Variants in PPFIA2 observed in about 807,000 individuals in gnomAD.
The protein encoded by PPFIA2 is PPFI scaffold protein A2, also known as liprin-alpha-2.
Under a neutral mutation model 175.5 loss-of-function variants are expected in PPFIA2, and 46 were observed. The observed-to-expected ratio is 0.26, with a 90% CI of 0.21 to 0.34. PPFIA2 has a LOEUF of 0.34. Ranked by LOEUF, PPFIA2 falls within the 10% of genes least tolerant of loss-of-function variation. The pLI is 1.00. For synonymous variants in PPFIA2, 568 were observed against 511.4 expected (o/e 1.11, Z -1.49); for missense variants, 1,179 against 1,506.1 (o/e 0.78, Z 3.60).
chr12:81,679,291 A>G (rs1205007056), intron 3 of PPFIA2, among the ~76,000 whole-genome samples: 2 of 151,906 alleles, frequency 1.3e-5, no homozygotes, highest in Admixed American at 1.3e-4. Flanking sequence ...AAAGATACCA[A>G]GTGCATTTGG....
At chr12:81,433,315 T>G (rs995806663) in intron 7 of PPFIA2, among the ~76,000 whole-genome samples, 3 of 152,198 alleles carry the variant, frequency 2.0e-5, no homozygotes, top group African/African-American at 7.2e-5. Context: ...TGCTGTCTTT[T>G]TAGGTTGAAG....
intron 3 of PPFIA2, among the ~76,000 whole-genome samples, chr12:81,739,986 G>T (rs1360389627): frequency 6.6e-6 from 1 of 152,094 alleles, no homozygotes; most frequent in Non-Finnish European, 1.5e-5. Flanking sequence ...ACCTAGGAGG[G>T]AAAGCAGAGC....
intron 16 of PPFIA2, among the ~76,000 whole-genome samples, chr12:81,355,035 T>A (rs149656148): frequency 3.3e-5 from 5 of 152,282 alleles, no homozygotes; most frequent in African/African-American, 1.2e-4. Flanking sequence ...TCAATTGGCT[T>A]TGCCCCAATC....
chr12:81,326,817 A>T (rs1247746776), intron 21 of PPFIA2, among the ~76,000 whole-genome samples: 1 of 152,098 alleles, frequency 6.6e-6, no homozygotes, highest in African/African-American at 2.4e-5. Context: ...AATAAAAGAA[A>T]ATTAAACTCC....
At position 81,758,508 on chromosome 12, in the gene PPFIA2, C is replaced by T. The variant is rs932636806; in HGVS notation, c.-110-1G>A. Reference sequence around the variant, plus strand: ...CACCCAGCACTCCTGGACCATTTCCCTAGCAACGGGAGGAGAAAGGCAGCT... The same window carrying T: ...CACCCAGCACTCCTGGACCATTTCCTTAGCAACGGGAGGAGAAAGGCAGCT... On this transcript the variant is annotated splice_acceptor_variant, in intron 1 of 32. Transcript: ENST00000549396. LOFTEE classifies it low-confidence loss of function (5UTR_SPLICE). The T allele has an allele frequency of 6.7e-6, 3 of 448,948 alleles. No individual in the cohort carries two copies. Among genetic ancestry groups the T allele is most frequent in the African/African-American group, 4.0e-5 (2 of 49,950 alleles). 27.8% of individuals were successfully genotyped at this position (448,948 alleles called of 1,614,324 possible). A position where few individuals can be genotyped will look rare whatever the true frequency, so the allele number is the denominator to read the frequency against.
chr12:81,332,869 T>A (rs2056405566), intron 21 of PPFIA2, among the ~76,000 whole-genome samples: 1 of 152,324 alleles, frequency 6.6e-6, no homozygotes, highest in South Asian at 2.1e-4. Context: ...TGTGGACAAC[T>A]ACATGATCCT....
At chr12:81,493,358 T>G (rs2059621997) in intron 4 of PPFIA2, among the ~76,000 whole-genome samples, 1 of 152,018 alleles carries the variant, frequency 6.6e-6, no homozygotes, top group Non-Finnish European at 1.5e-5. Context: ...CACTTCTCAG[T>G]GTTCAGATGC....
rs77742305 is a variant in PPFIA2, at chr12:81,520,046, C to T, written c.304-62180G>A. Among the ~76,000 whole-genome samples, 601 of 152,244 alleles carry T rather than the reference C, an allele frequency of 3.9e-3. 4 individuals carry two copies. Among genetic ancestry groups the T allele is most frequent in the African/African-American group, 0.013 (558 of 41,556 alleles). ...TTACTGCACTGTTTTCACACTTCTC[C>T]TTGTGATGATGTGAGATGATATAAT... On this transcript the variant is annotated intron_variant, in intron 4 of 32. Transcript: ENST00000549396.
Position 81,494,362 on chromosome 12 carries a change from A to G in PPFIA2, c.304-36496T>C, listed in dbSNP as rs568990954. Among the ~76,000 whole-genome samples the G allele has an allele frequency of 8.5e-3, 1,298 of 152,320 alleles. 13 individuals carry two copies. The highest frequency in any genetic ancestry group is 0.03 in the African/African-American group (1,251 of 41,578). Reference sequence around the variant, plus strand: ...GAAAAAATGCTCACCATCACTGGCCATCAGAGAAATGCAAATCAAAACCAC... The same window carrying G: ...GAAAAAATGCTCACCATCACTGGCCGTCAGAGAAATGCAAATCAAAACCAC... On this transcript the variant is annotated intron_variant, in intron 4 of 32. Transcript: ENST00000549396.
chr12:81,519,600 C>A (rs1317604214), intron 4 of PPFIA2, among the ~76,000 whole-genome samples: 1 of 152,136 alleles, frequency 6.6e-6, no homozygotes, highest in Non-Finnish European at 1.5e-5. Flanking sequence ...CTATAATGAA[C>A]CATTAAGTGA....
chr12:81,586,653 T>A (rs2075341045), intron 4 of PPFIA2, among the ~76,000 whole-genome samples: 1 of 151,742 alleles, frequency 6.6e-6, no homozygotes, highest in Non-Finnish European at 1.5e-5. Flanking sequence ...TATAAAGAAA[T>A]ACAAGAACAC....
chr12:81,593,179 G>A (rs967461600), intron 4 of PPFIA2, among the ~76,000 whole-genome samples: 1 of 152,050 alleles, frequency 6.6e-6, no homozygotes. Flanking sequence ...AAAATTTAAA[G>A]TTCTCTTGGT....
chr12:81,509,917 G>C (rs1243700642), intron 4 of PPFIA2, among the ~76,000 whole-genome samples: 1 of 152,100 alleles, frequency 6.6e-6, no homozygotes, highest in Non-Finnish European at 1.5e-5. Context: ...ACCATTCTAT[G>C]CTATCTGTTA....
chr12:81,681,495 A>T (rs1382678321), intron 3 of PPFIA2, among the ~76,000 whole-genome samples: 1 of 151,954 alleles, frequency 6.6e-6, no homozygotes. Flanking sequence ...GTAGAGTGAG[A>T]CTTAGGGCAT....
intron 4 of PPFIA2, among the ~76,000 whole-genome samples, chr12:81,626,558 G>A (rs969169290): frequency 6.6e-6 from 1 of 152,030 alleles, no homozygotes; most frequent in Non-Finnish European, 1.5e-5. Context: ...CCTGCAGTAT[G>A]TCTGGTAGGA....
At chr12:81,663,081 C>T (rs147518098) in intron 4 of PPFIA2, among the ~76,000 whole-genome samples, 18 of 152,112 alleles carry the variant, frequency 1.2e-4, no homozygotes, top group African/African-American at 3.9e-4. Context: ...TTATGACAAA[C>T]CCACAGCCAA....
chr12:81,394,488 T>A (rs1034029311), intron 8 of PPFIA2, among the ~76,000 whole-genome samples: 1 of 151,922 alleles, frequency 6.6e-6, no homozygotes, highest in African/African-American at 2.4e-5. Context: ...AAGTTGTTTA[T>A]CCCTAGGAAA....
chr12:81,650,231 G>A (rs911821222), intron 4 of PPFIA2, among the ~76,000 whole-genome samples: 1 of 151,806 alleles, frequency 6.6e-6, no homozygotes, highest in African/African-American at 2.4e-5. Flanking sequence ...GGATGGTCTC[G>A]ATCTCCTGAC....
intron 3 of PPFIA2, among the ~76,000 whole-genome samples, chr12:81,736,505 G>C (rs935503604): frequency 6.6e-6 from 1 of 151,986 alleles, no homozygotes; most frequent in African/African-American, 2.4e-5. Context: ...AAAGGCAGTA[G>C]CACAGTCAGA....
Sources: allele counts gnomAD v4.1 joint callset (sites outside exome capture counted in the v4.1 genomes callset), GRCh38; gene constraint gnomAD v4.1.1; transcripts MANE v1.5; gene names NCBI Gene and HGNC (gene_info 2026-07-23, HGNC 2026-07-21).